The following MED15 variants were observed in gnomAD, a reference collection of about 807,000 sequenced individuals.
MED15 encodes the protein mediator of RNA polymerase II transcription subunit 15.
MED15 carries 41 observed loss-of-function variants against 118.7 expected under a neutral mutation model. That is an observed-to-expected ratio of 0.35 (90% CI 0.27 to 0.45). The LOEUF (loss-of-function observed/expected upper bound fraction) is 0.45, where lower values mean the gene tolerates loss of function less well. Ranked by LOEUF, MED15 falls within the 20% of genes least tolerant of loss-of-function variation. The pLI is 1.00. For missense variants in MED15, 740 were observed against 1,025.5 expected, an observed-to-expected ratio of 0.72 and a Z score of 3.80; for synonymous variants, 436 against 413.9, an observed-to-expected ratio of 1.05 and a Z score of -0.65.
Position 20,586,933 on chromosome 22 carries a change from C to A in MED15, c.*229C>A. 1 of 620,756 alleles carries A rather than the reference C, an allele frequency of 1.6e-6. No homozygotes were observed. Among genetic ancestry groups the A allele is most frequent in the Non-Finnish European group, 2.7e-6 (1 of 366,220 alleles). 38.5% of individuals were successfully genotyped at this position (620,756 alleles called of 1,614,324 possible). ...GCGTTGGCCGACTTCTTAGAGAAGG[C>A]CCTCCATGTGACTTCCTCCCAGGAG... is the stretch of plus-strand genomic sequence containing the variant. On this transcript the variant is annotated 3_prime_UTR_variant, in exon 18 of 18. Coordinates refer to ENST00000263205, the MANE Select transcript of MED15 (RefSeq NM_001003891.3).
chr22:20,542,980 T>G (rs2055369978), intron 2 of MED15, among the ~76,000 whole-genome samples: 1 of 152,154 alleles, frequency 6.6e-6, no homozygotes, highest in Non-Finnish European at 1.5e-5. Context: ...CAGAACACAC[T>G]TTCCTAACAG....
chr22:20,547,914 C>T (rs1470799445), intron 2 of MED15, among the ~76,000 whole-genome samples: 1 of 152,098 alleles, frequency 6.6e-6, no homozygotes, highest in African/African-American at 2.4e-5. Context: ...TGGGGAGGCT[C>T]ACTTGAGCCC....
chr22:20,571,563 C>T (rs183861316), intron 8 of MED15, among the ~76,000 whole-genome samples: 99 of 152,280 alleles, frequency 6.5e-4, no homozygotes, highest in African/African-American at 2.0e-3. Flanking sequence ...TTCTGTAACC[C>T]GCATTCTGCT....
At chr22:20,551,679 C>T (rs1457912445) in intron 3 of MED15, 192 bp downstream of exon 3, 1 of 625,732 alleles carries the variant, frequency 1.6e-6, no homozygotes, top group Non-Finnish European at 2.8e-6. Context: ...AGAGCCTTGG[C>T]CTCAAAAATG....
chr22:20,577,051 G>T (rs1021274065), intron 9 of MED15, among the ~76,000 whole-genome samples: 2 of 152,204 alleles, frequency 1.3e-5, no homozygotes, highest in Non-Finnish European at 2.9e-5. Flanking sequence ...TTTGTGTACA[G>T]AGCCTCACTG....
intron 1 of MED15, among the ~76,000 whole-genome samples, chr22:20,535,707 C>T (rs1181633180): frequency 6.6e-6 from 1 of 151,086 alleles, no homozygotes; most frequent in Non-Finnish European, 1.5e-5. Context: ...CTACAGGCGC[C>T]TGCCACCATG....
intron 8 of MED15, 35 bp from the exon 9 acceptor site, chr22:20,575,078 C>T (rs751660883): frequency 2.2e-5 from 36 of 1,611,072 alleles, no homozygotes; most frequent in East Asian, 1.3e-4. Context: ...TTCTTTGTTG[C>T]GATCACCTTG....
chr22:20,536,898 T>C (rs879799058), intron 1 of MED15, among the ~76,000 whole-genome samples: 3 of 152,170 alleles, frequency 2.0e-5, no homozygotes, highest in Non-Finnish European at 4.4e-5. Context: ...GCGACCACCT[T>C]TCCTGTCCCT....
intron 1 of MED15, among the ~76,000 whole-genome samples, chr22:20,514,066 A>G (rs1161321464): frequency 6.6e-6 from 1 of 151,966 alleles, no homozygotes; most frequent in African/African-American, 2.4e-5. Context: ...GGGTTTCACC[A>G]TGTCTCCCAG....
intron 3 of MED15, among the ~76,000 whole-genome samples, chr22:20,552,019 C>T (rs1281023522): frequency 6.6e-6 from 1 of 152,192 alleles, no homozygotes; most frequent in Non-Finnish European, 1.5e-5. Flanking sequence ...TTCTGTCAGC[C>T]AGGCAGTGGC....
At chr22:20,516,036 G>T (rs1207824543) in intron 1 of MED15, among the ~76,000 whole-genome samples, 1 of 151,564 alleles carries the variant, frequency 6.6e-6, no homozygotes, top group Non-Finnish European at 1.5e-5. Context: ...AAATAAGTAG[G>T]TTGGGCGCGG....
At chr22:20,528,858 A>ATGCT (rs962036438) in intron 1 of MED15, among the ~76,000 whole-genome samples, 10 of 152,160 alleles carry the variant, frequency 6.6e-5, no homozygotes, top group African/African-American at 2.2e-4. Context: ...TATCCGTTTC[A>ATGCT]TGCTTTTCCA....
chr22:20,527,579 C>G (rs1405009230), intron 1 of MED15, among the ~76,000 whole-genome samples: 3 of 151,912 alleles, frequency 2.0e-5, no homozygotes, highest in Non-Finnish European at 2.9e-5. Flanking sequence ...GTAGCTGGGA[C>G]TGCAGGCATG....
chr22:20,551,914 G>T (rs1007686751), intron 3 of MED15, among the ~76,000 whole-genome samples: 2 of 152,188 alleles, frequency 1.3e-5, no homozygotes, highest in Admixed American at 6.5e-5. Context: ...TTCTGAGGAG[G>T]ACCTCCTGAG....
chr22:20,567,768 C>A (rs1408933827), intron 7 of MED15, among the ~76,000 whole-genome samples: 1 of 152,184 alleles, frequency 6.6e-6, no homozygotes, highest in East Asian at 1.9e-4. Context: ...AGGAAGAGCC[C>A]CCTGCATGGT....
At chr22:20,523,207 G>A (rs1441671340) in intron 1 of MED15, among the ~76,000 whole-genome samples, 1 of 152,060 alleles carries the variant, frequency 6.6e-6, no homozygotes, top group Non-Finnish European at 1.5e-5. Context: ...GTTCAGTTTT[G>A]AGTTATAGGT....
intron 9 of MED15, 165 bp from the exon 10 acceptor site, chr22:20,582,446 C>G: frequency 1.8e-6 from 2 of 1,136,690 alleles, no homozygotes; most frequent in Admixed American, 4.4e-5. Flanking sequence ...GTGTGCCAGG[C>G]TGGGGGAGTG....
At chr22:20,568,487 G>A (rs373200443) in intron 7 of MED15, 34 bp from the exon 8 acceptor site, 89 of 1,607,478 alleles carry the variant, frequency 5.5e-5, no homozygotes, top group Admixed American at 8.4e-5. Flanking sequence ...TGACCCAGGT[G>A]GTTCCAAATC....
chr22:20,536,829 TA>T (rs2055098003), intron 1 of MED15, among the ~76,000 whole-genome samples: 1 of 152,216 alleles, frequency 6.6e-6, no homozygotes, highest in African/African-American at 2.4e-5. Context: ...GAGCCATCCC[TA>T]GGGGCAACCC....
Sources: allele counts gnomAD v4.1 joint callset (sites outside exome capture counted in the v4.1 genomes callset), GRCh38; gene constraint gnomAD v4.1.1; transcripts MANE v1.5; gene names NCBI Gene and HGNC (gene_info 2026-07-23, HGNC 2026-07-21).